The following CPXM2 variants were observed in gnomAD, a reference collection of about 807,000 sequenced individuals.
CPXM2 encodes the protein inactive carboxypeptidase-like protein X2.
A neutral mutation model predicts 86.1 loss-of-function variants in CPXM2; 66 were observed. That is an observed-to-expected ratio of 0.77 (90% CI 0.63 to 0.94). The LOEUF is 0.94. Ranked by LOEUF, CPXM2 falls within the 40% of genes least tolerant of loss-of-function variation. The probability of loss-of-function intolerance (pLI) is 0.00; values close to 1 mark genes in which losing one functional copy is unlikely to be tolerated. For missense variants in CPXM2, 948 were observed against 1,026.3 expected (o/e 0.92, Z 1.04); for synonymous variants, 388 against 400.2 (o/e 0.97, Z 0.36).
At chr10:123,897,169 A>G (rs2134257431) in intron 2 of CPXM2, among the ~76,000 whole-genome samples, 1 of 151,556 alleles carries the variant, frequency 6.6e-6, no homozygotes, top group South Asian at 2.1e-4. Context: ...ATGGAGGGAC[A>G]TGACTTCCTC....
intron 6 of CPXM2, among the ~76,000 whole-genome samples, chr10:123,790,276 C>T (rs562941113): frequency 1.3e-5 from 2 of 150,930 alleles, no homozygotes; most frequent in African/African-American, 4.9e-5. Flanking sequence ...TGACTGAAGA[C>T]GGAGCAGGTG....
Position 123,902,475 on chromosome 10 carries a change from A to G in CPXM2, n.175-22166T>C, listed in dbSNP as rs548715273. Among the ~76,000 whole-genome samples the G allele has an allele frequency of 9.3e-5, 14 of 150,654 alleles. No homozygotes were observed. The South Asian group carries it at 2.7e-3, about 29-fold the overall frequency. Reference sequence around the variant, plus strand: ...AGTGTCTTAGTCCATTAGGGCTGCTATAACAGAATACTATAGACGGGGGCC... The same window carrying G: ...AGTGTCTTAGTCCATTAGGGCTGCTGTAACAGAATACTATAGACGGGGGCC... On this transcript the variant is annotated intron_variant and non_coding_transcript_variant, in intron 2 of 19. Transcript: ENST00000368854.
chr10:123,901,625 C>CT, intron 2 of CPXM2, among the ~76,000 whole-genome samples: 1 of 152,158 alleles, frequency 6.6e-6, no homozygotes, highest in Admixed American at 6.5e-5. Flanking sequence ...AAGAGCCAAT[C>CT]TTTCAAGATG....
At chr10:123,820,100 G>A (rs11248289) in intron 4 of CPXM2, among the ~76,000 whole-genome samples, 22,021 of 152,168 alleles carry the variant, frequency 0.14, 1,731 homozygotes, top group East Asian at 0.33. Context: ...TTTGGGACTC[G>A]GACTGGCTTT....
At chr10:123,810,147 GAC>G (rs1367107838) in intron 4 of CPXM2, among the ~76,000 whole-genome samples, 10 of 151,846 alleles carry the variant, frequency 6.6e-5, no homozygotes, top group Non-Finnish European at 1.3e-4. Context: ...TAGAGATAAA[GAC>G]AGTCATTACA....
intron 2 of CPXM2, among the ~76,000 whole-genome samples, chr10:123,918,272 C>A (rs1955338): frequency 0.36 from 55,041 of 151,718 alleles, 10,200 homozygotes; most frequent in Middle Eastern, 0.56. Context: ...AAATTATGAC[C>A]CTTGTGCTTG....
At chr10:123,771,305 G>A (rs1029725394) in intron 7 of CPXM2, among the ~76,000 whole-genome samples, 3 of 152,080 alleles carry the variant, frequency 2.0e-5, no homozygotes, top group African/African-American at 7.2e-5. Flanking sequence ...ACCCGGTCCT[G>A]TACTTTCCAC....
chr10:123,785,690 A>T (rs373440741), intron 6 of CPXM2, among the ~76,000 whole-genome samples: 4 of 149,600 alleles, frequency 2.7e-5, no homozygotes, highest in East Asian at 3.9e-4. Flanking sequence ...TGGAGTACAG[A>T]GGCGCGATCT....
At chr10:123,905,592 G>A (rs895834347) in intron 2 of CPXM2, among the ~76,000 whole-genome samples, 1 of 152,176 alleles carries the variant, frequency 6.6e-6, no homozygotes, top group Non-Finnish European at 1.5e-5. Flanking sequence ...CCCAGCACAA[G>A]AGATTCCAGA....
chr10:123,847,646 GTGTT>G (rs986564740), intron 3 of CPXM2, among the ~76,000 whole-genome samples: 2 of 152,174 alleles, frequency 1.3e-5, no homozygotes, highest in Admixed American at 1.3e-4. Context: ...AATGTGAAGT[GTGTT>G]TGTTTGTTAT....
At chr10:123,875,205 A>G (rs1268915024) in intron 2 of CPXM2, among the ~76,000 whole-genome samples, 2 of 152,228 alleles carry the variant, frequency 1.3e-5, no homozygotes, top group Non-Finnish European at 2.9e-5. Flanking sequence ...AAATCCTTCA[A>G]AGGCACTTGT....
At chr10:123,904,384 T>C (rs923783834) in intron 2 of CPXM2, among the ~76,000 whole-genome samples, 1 of 152,148 alleles carries the variant, frequency 6.6e-6, no homozygotes, top group Admixed American at 6.5e-5. Flanking sequence ...CACAGCTATG[T>C]CCTGGAGCAG....
At chr10:123,919,756 G>T (rs541891613) in intron 2 of CPXM2, among the ~76,000 whole-genome samples, 1 of 152,178 alleles carries the variant, frequency 6.6e-6, no homozygotes, top group African/African-American at 2.4e-5. Flanking sequence ...AAGAAAAGAG[G>T]TTTATTTGGC....
At position 123,775,983 on chromosome 10, in the gene CPXM2, G is replaced by A. The variant is rs563350150; in HGVS notation, c.978+4184C>T. ...TGAAAGGGGTCAAAGATTTTTTTTT[G>A]GAGTTTGCGTCTTTGTGGTAAATGT... On this transcript the variant is annotated intron_variant, in intron 7 of 13. Coordinates refer to ENST00000241305, the MANE Select transcript of CPXM2 (RefSeq NM_198148.3). Among the ~76,000 whole-genome samples, 7 of 151,662 alleles carry A rather than the reference G, an allele frequency of 4.6e-5. No homozygotes were observed. In the South Asian group the frequency reaches 1.0e-3, roughly 23 times the overall value.
intron 6 of CPXM2, among the ~76,000 whole-genome samples, chr10:123,792,920 GT>G (rs1847239906): frequency 6.6e-6 from 1 of 152,210 alleles, no homozygotes; most frequent in Non-Finnish European, 1.5e-5. Flanking sequence ...GGACCCACAG[GT>G]GGTAGAAGAC....
chr10:123,835,099 A>G (rs1381751448), intron 4 of CPXM2, among the ~76,000 whole-genome samples: 1 of 152,158 alleles, frequency 6.6e-6, no homozygotes, highest in African/African-American at 2.4e-5. Flanking sequence ...CTCTATAGCA[A>G]CACCAATGGA....
intron 1 of CPXM2, among the ~76,000 whole-genome samples, chr10:123,887,835 G>A (rs1352062690): frequency 6.6e-6 from 1 of 152,042 alleles, no homozygotes. Flanking sequence ...GCGTACATGG[G>A]GCCTCAGTGT....
chr10:123,786,811 C>T (rs973749815), intron 6 of CPXM2, among the ~76,000 whole-genome samples: 18 of 152,302 alleles, frequency 1.2e-4, no homozygotes, highest in Admixed American at 2.0e-4. Flanking sequence ...CTCCCTGAGA[C>T]GTCGCCTCCT....
chr10:123,936,786 C>T (rs1945725011), intron 2 of CPXM2, among the ~76,000 whole-genome samples: 1 of 152,212 alleles, frequency 6.6e-6, no homozygotes, highest in Non-Finnish European at 1.5e-5. Flanking sequence ...CCTCGGGCCC[C>T]ACTGCCCCTT....
Sources: allele counts gnomAD v4.1 joint callset (sites outside exome capture counted in the v4.1 genomes callset), GRCh38; gene constraint gnomAD v4.1.1; transcripts MANE v1.5; gene names NCBI Gene and HGNC (gene_info 2026-07-23, HGNC 2026-07-21).